The following PIK3CB variants were observed in gnomAD, a reference collection of about 807,000 sequenced individuals.
The protein encoded by PIK3CB is phosphatidylinositol 4,5-bisphosphate 3-kinase catalytic subunit beta isoform.
PIK3CB carries 39 observed loss-of-function variants against 136.8 expected under a neutral mutation model. That is an observed-to-expected ratio of 0.29 (90% CI 0.22 to 0.37). PIK3CB has a LOEUF of 0.37. Ranked by LOEUF, PIK3CB falls within the 10% of genes least tolerant of loss-of-function variation. The pLI, the probability that PIK3CB is intolerant of heterozygous loss-of-function variation, is 1.00. For missense variants in PIK3CB, 868 were observed against 1,275.4 expected (o/e 0.68, Z 4.87); for synonymous variants, 428 against 436.6 (o/e 0.98, Z 0.25).
intron 19 of PIK3CB, among the ~76,000 whole-genome samples, chr3:138,675,540 G>A (rs2043626478): frequency 6.6e-6 from 1 of 152,060 alleles, no homozygotes. Flanking sequence ...CAAAAATAAA[G>A]AGAATCTTGA....
At chr3:138,764,621 T>G (rs938661018) in intron 2 of PIK3CB, among the ~76,000 whole-genome samples, 2 of 152,058 alleles carry the variant, frequency 1.3e-5, no homozygotes, top group African/African-American at 4.8e-5. Flanking sequence ...GAGAATGAAT[T>G]CATGATTGGG....
chr3:138,691,881 TAA>T (rs1198361745), intron 14 of PIK3CB, among the ~76,000 whole-genome samples: 2 of 152,230 alleles, frequency 1.3e-5, no homozygotes, highest in Non-Finnish European at 2.9e-5. Flanking sequence ...CAATCATTTT[TAA>T]AATAAAAATT....
chr3:138,714,042 A>G (rs1428228264), intron 9 of PIK3CB, among the ~76,000 whole-genome samples: 1 of 152,176 alleles, frequency 6.6e-6, no homozygotes, highest in African/African-American at 2.4e-5. Context: ...ACCCCACAAG[A>G]TATGTTGAGT....
intron 1 of PIK3CB, among the ~76,000 whole-genome samples, chr3:138,812,533 CT>C (rs550881142): frequency 1.4e-3 from 194 of 136,698 alleles, no homozygotes; most frequent in South Asian, 3.7e-3. Flanking sequence ...CTGTGCCTGG[CT>C]TTTTTTTTTT....
At chr3:138,681,384 C>G (rs1240561667) in intron 19 of PIK3CB, among the ~76,000 whole-genome samples, 1 of 152,134 alleles carries the variant, frequency 6.6e-6, no homozygotes. Flanking sequence ...CTTTTCACAT[C>G]TTTTCCTTAT....
At chr3:138,778,144 G>A (rs1193694075) in intron 2 of PIK3CB, 2 of 434,084 alleles carry the variant, frequency 4.6e-6, no homozygotes, top group Non-Finnish European at 9.2e-6. Context: ...CTTGTAGAAG[G>A]CTGGGGCTCA....
intron 10 of PIK3CB, among the ~76,000 whole-genome samples, chr3:138,710,014 C>CA (rs1276722808): frequency 3.0e-5 from 1 of 32,926 alleles, no homozygotes; most frequent in East Asian, 9.9e-4. Context: ...CCTGTCTCTA[C>CA]AAAAAATACA....
chr3:138,700,500 T>G (rs1242325584), intron 12 of PIK3CB, among the ~76,000 whole-genome samples: 2 of 151,892 alleles, frequency 1.3e-5, no homozygotes, highest in Non-Finnish European at 2.9e-5. Flanking sequence ...AAATTAAACA[T>G]TAAGATAAAT....
chr3:138,714,868 T>G (rs189724653), intron 8 of PIK3CB, 149 bp from the exon 9 acceptor site: 1 of 701,736 alleles, frequency 1.4e-6, no homozygotes, highest in African/African-American at 1.8e-5. Context: ...CATGCCAAGT[T>G]TTAGAAAGCC....
At chr3:138,696,002 G>A (rs983709672) in intron 13 of PIK3CB, among the ~76,000 whole-genome samples, 10 of 136,066 alleles carry the variant, frequency 7.3e-5, no homozygotes, top group South Asian at 4.6e-4. Flanking sequence ...AACTCCTGAC[G>A]TCAGGTGATC....
intron 1 of PIK3CB, among the ~76,000 whole-genome samples, chr3:138,815,952 C>T (rs1286114315): frequency 2.0e-5 from 3 of 152,340 alleles, no homozygotes; most frequent in Non-Finnish European, 4.4e-5. Context: ...GTATTTTTCA[C>T]TCACACACAC....
chr3:138,751,768 C>T (rs2045476478), intron 4 of PIK3CB, among the ~76,000 whole-genome samples: 4 of 151,872 alleles, frequency 2.6e-5, no homozygotes, highest in South Asian at 2.1e-4. Context: ...GTCAGGAGTT[C>T]GAGACCAGCC....
At chr3:138,726,922 A>T (rs1289817605) in intron 8 of PIK3CB, among the ~76,000 whole-genome samples, 1 of 151,672 alleles carries the variant, frequency 6.6e-6, no homozygotes, top group Non-Finnish European at 1.5e-5. Flanking sequence ...GTGGTGGTGC[A>T]TGCCTGTAGT....
chr3:138,683,189 C>CA (rs1286133378), intron 18 of PIK3CB, among the ~76,000 whole-genome samples: 6 of 151,678 alleles, frequency 4.0e-5, no homozygotes, highest in Admixed American at 2.0e-4. Context: ...CCCATCTTTA[C>CA]AAAAAATACA....
chr3:138,707,285 T>C lies in PIK3CB; in HGVS notation c.1404A>G (p.Glu468=), dbSNP rs1488069160. 1 of 1,597,178 alleles carries C rather than the reference T, an allele frequency of 6.3e-7. No individual in the cohort carries two copies. The highest frequency in any genetic ancestry group is 1.2e-5 in the South Asian group (1 of 86,902). The change falls in exon 11 of 24, where the codon GAA becomes GAG. Residue 468 remains glutamate, a synonymous_variant. Transcript: ENST00000674063. The part of the protein sequence containing the change: ...ILHSWSSFPD[E]LEEMLNPMGT... ...CCATTGGATTCAACATTTCTTCGAG[T>C]TCATCTAAAACATGCAAATAATTTT...
At chr3:138,702,241 CTT>C (rs549125865) in intron 12 of PIK3CB, among the ~76,000 whole-genome samples, 14 of 141,998 alleles carry the variant, frequency 9.9e-5, no homozygotes, top group East Asian at 2.0e-4. Flanking sequence ...CCAGTTAATA[CTT>C]TTTTTTTTTT....
chr3:138,741,499 G>A (rs2045243122), intron 5 of PIK3CB, among the ~76,000 whole-genome samples: 1 of 152,188 alleles, frequency 6.6e-6, no homozygotes, highest in Admixed American at 6.5e-5. Context: ...TGTTGTCATT[G>A]CTATGGTTAT....
At chr3:138,770,557 A>G (rs904334621) in intron 2 of PIK3CB, 3 of 151,930 alleles carry the variant, frequency 2.0e-5, no homozygotes, top group African/African-American at 7.2e-5. Flanking sequence ...AAAAATACAA[A>G]AAATTAGCCA....
At chr3:138,809,952 G>T (rs1324263270) in intron 1 of PIK3CB, among the ~76,000 whole-genome samples, 1 of 152,016 alleles carries the variant, frequency 6.6e-6, no homozygotes, top group Non-Finnish European at 1.5e-5. Flanking sequence ...GATGAGGTAA[G>T]AAATACACAA....
Sources: gnomAD v4.1 joint callset for allele counts (sites outside exome capture counted in the v4.1 genomes callset) on GRCh38, gnomAD v4.1.1 for gene constraint, MANE v1.5 for transcripts, NCBI Gene and HGNC (gene_info 2026-07-23, HGNC 2026-07-21) for gene names.